Variants in CCDC7 observed in about 807,000 individuals in gnomAD.
The protein encoded by CCDC7 is coiled-coil domain-containing protein 7.
Under a neutral mutation model 196.9 loss-of-function variants are expected in CCDC7, and 183 were observed. The observed-to-expected ratio is 0.93, with a 90% CI of 0.82 to 1.05. The LOEUF is 1.05. Ranked by LOEUF, CCDC7 falls within the 50% of genes least tolerant of loss-of-function variation. The pLI is 0.00. For missense variants in CCDC7, 1,540 were observed against 1,482.2 expected (o/e 1.04, Z -0.64); for synonymous variants, 525 against 484.6 (o/e 1.08, Z -1.10).
At chr10:32,709,620 G>A (rs1175185818) in intron 24 of CCDC7, among the ~76,000 whole-genome samples, 1 of 152,020 alleles carries the variant, frequency 6.6e-6, no homozygotes, top group African/African-American at 2.4e-5. Context: ...GTGAATGATG[G>A]GGAGCAGTTG....
intron 18 of CCDC7, among the ~76,000 whole-genome samples, chr10:32,625,297 A>G (rs2063883574): frequency 6.6e-6 from 1 of 151,882 alleles, no homozygotes; most frequent in Non-Finnish European, 1.5e-5. Flanking sequence ...CACCCCTGTC[A>G]AAGATTAATT....
At chr10:32,656,459 T>G (rs2069886448) in intron 20 of CCDC7, among the ~76,000 whole-genome samples, 1 of 152,098 alleles carries the variant, frequency 6.6e-6, no homozygotes, top group Non-Finnish European at 1.5e-5. Context: ...CTCAGGAAAC[T>G]TACAATCATG....
intron 41 of CCDC7, among the ~76,000 whole-genome samples, chr10:32,857,241 G>A (rs1238182530): frequency 6.6e-6 from 1 of 152,124 alleles, no homozygotes; most frequent in East Asian, 1.9e-4. Flanking sequence ...CCCCAAGGAA[G>A]CCACTATAAA....
chr10:32,688,976 A>G (rs961949940), intron 22 of CCDC7, 77 bp from the exon 24 acceptor site: 5 of 921,268 alleles, frequency 5.4e-6, no homozygotes, highest in African/African-American at 1.7e-5. Flanking sequence ...GCCACTGCAC[A>G]TTCGTAAATT....
At position 32,464,131 on chromosome 10, in the gene CCDC7, T is replaced by C. The variant is rs149475176; in HGVS notation, c.510+1082T>C. Among the ~76,000 whole-genome samples, 1,251 of 152,348 alleles carry C rather than the reference T, an allele frequency of 8.2e-3. 8 individuals are homozygous for C. Among genetic ancestry groups the C allele is most frequent in the Non-Finnish European group, 0.014 (982 of 68,030 alleles). ...TATCCAAAACCCTGGCTTCTCACTTTCTTGACTTCCTCATCTCCAAAGATC... is the reference window on the plus strand; with the variant it reads ...TATCCAAAACCCTGGCTTCTCACTTCCTTGACTTCCTCATCTCCAAAGATC... On this transcript the variant is annotated intron_variant, in intron 5 of 41. Coordinates refer to ENST00000639629, the Ensembl canonical transcript of CCDC7.
chr10:32,689,155 G>T lies in CCDC7; in HGVS notation c.2336G>T (p.Arg779Ile), dbSNP rs780494072. The change falls in exon 23 of 42, where the codon AGA becomes ATA. Residue 779 changes from arginine to isoleucine, a missense_variant. Coordinates refer to ENST00000639629, the Ensembl canonical transcript of CCDC7. ...GAACAAAGAACTCTCAAAGGGCAAA[G>T]AATTATTAGTAAGTATAAAAAGTAA... 6.5e-6 allele frequency: 10 copies of T among 1,549,034 alleles called. No individual in the cohort carries two copies. The East Asian group carries it at 1.6e-4, about 24-fold the overall frequency.
At chr10:32,472,843 A>G (rs1408704805) in intron 7 of CCDC7, among the ~76,000 whole-genome samples, 1 of 150,990 alleles carries the variant, frequency 6.6e-6, no homozygotes, top group Non-Finnish European at 1.5e-5. Flanking sequence ...TGATCCTCCC[A>G]CCTCGGGCTC....
At chr10:32,873,973 A>G (rs1318886092) in intron 41 of CCDC7, among the ~76,000 whole-genome samples, 2 of 151,766 alleles carry the variant, frequency 1.3e-5, no homozygotes, top group African/African-American at 2.4e-5. Flanking sequence ...GCATATATAT[A>G]TGGTTAAAAT....
chr10:32,454,232 T>C (rs746707873), intron 2 of CCDC7, among the ~76,000 whole-genome samples: 1 of 152,170 alleles, frequency 6.6e-6, no homozygotes, highest in Non-Finnish European at 1.5e-5. Flanking sequence ...TGAAGCTTTT[T>C]GAAATGATGG....
chr10:32,594,264 C>T (rs2060082419), intron 18 of CCDC7, among the ~76,000 whole-genome samples: 1 of 152,206 alleles, frequency 6.6e-6, no homozygotes, highest in Non-Finnish European at 1.5e-5. Context: ...AGGTCCTTCA[C>T]AGGCCCTGTA....
chr10:32,495,182 A>G (rs1468045372), intron 9 of CCDC7, among the ~76,000 whole-genome samples: 1 of 152,210 alleles, frequency 6.6e-6, no homozygotes, highest in Non-Finnish European at 1.5e-5. Flanking sequence ...TGTTGGCTGC[A>G]TAAATGTCTT....
chr10:32,478,883 A>C (rs2039481025), intron 8 of CCDC7, among the ~76,000 whole-genome samples: 1 of 152,080 alleles, frequency 6.6e-6, no homozygotes. Context: ...AATTGGCATA[A>C]TTTCTTAGTT....
intron 24 of CCDC7, among the ~76,000 whole-genome samples, chr10:32,706,373 A>T (rs917559954): frequency 2.0e-5 from 3 of 152,148 alleles, no homozygotes; most frequent in Non-Finnish European, 2.9e-5. Context: ...AGCAGGAAAG[A>T]TCTAAAATCG....
upstream of CCDC7, among the ~76,000 whole-genome samples, chr10:32,447,150 C>T (rs2031510774): frequency 6.6e-6 from 1 of 152,108 alleles, no homozygotes; most frequent in Non-Finnish European, 1.5e-5. Context: ...ATTGTTCCTA[C>T]TTCCTCTCTT....
intron 18 of CCDC7, among the ~76,000 whole-genome samples, chr10:32,623,092 T>C (rs1276543054): frequency 6.6e-6 from 1 of 152,178 alleles, no homozygotes; most frequent in African/African-American, 2.4e-5. Flanking sequence ...ATATCAGGAA[T>C]GTTGATTTTG....
chr10:32,686,729 C>T (rs2076507339), intron 22 of CCDC7, among the ~76,000 whole-genome samples: 1 of 152,156 alleles, frequency 6.6e-6, no homozygotes, highest in African/African-American at 2.4e-5. Flanking sequence ...AGACATGTTT[C>T]CCCTTTCTAG....
chr10:32,641,427 C>T (rs2066779586), intron 20 of CCDC7, among the ~76,000 whole-genome samples: 1 of 152,188 alleles, frequency 6.6e-6, no homozygotes, highest in Non-Finnish European at 1.5e-5. Flanking sequence ...GATACCCTTT[C>T]TTCTAGTTGA....
intron 20 of CCDC7, among the ~76,000 whole-genome samples, chr10:32,641,290 A>G (rs145407851): frequency 6.6e-6 from 1 of 152,184 alleles, no homozygotes; most frequent in Admixed American, 6.5e-5. Flanking sequence ...CAGATACACC[A>G]ATCAGATGTA....
intron 11 of CCDC7, among the ~76,000 whole-genome samples, chr10:32,528,063 T>C (rs2048945530): frequency 6.6e-6 from 1 of 152,114 alleles, no homozygotes; most frequent in African/African-American, 2.4e-5. Context: ...CATTCCTCAC[T>C]CTAAGTCCAT....
Sources: gnomAD v4.1 joint callset for allele counts (sites outside exome capture counted in the v4.1 genomes callset) on GRCh38, gnomAD v4.1.1 for gene constraint, MANE v1.5 for transcripts, NCBI Gene and HGNC (gene_info 2026-07-23, HGNC 2026-07-21) for gene names.